The following EPB41L4A variants were observed in gnomAD, a reference collection of about 807,000 sequenced individuals.
EPB41L4A encodes band 4.1-like protein 4A.
A neutral mutation model predicts 108.6 loss-of-function variants in EPB41L4A; 100 were observed. That is an observed-to-expected ratio of 0.92 (90% CI 0.78 to 1.09). EPB41L4A has a LOEUF of 1.09. Ranked by LOEUF, EPB41L4A falls within the 50% of genes least tolerant of loss-of-function variation. The probability of loss-of-function intolerance (pLI) is 0.00; values close to 1 mark genes in which losing one functional copy is unlikely to be tolerated. For synonymous variants in EPB41L4A, 319 were observed against 289.0 expected, an observed-to-expected ratio of 1.10 and a Z score of -1.05; for missense variants, 1,030 against 842.7, an observed-to-expected ratio of 1.22 and a Z score of -2.75.
intron 1 of EPB41L4A, among the ~76,000 whole-genome samples, chr5:112,397,056 A>G (rs1761403915): frequency 6.6e-6 from 1 of 152,198 alleles, no homozygotes; most frequent in African/African-American, 2.4e-5. Context: ...CATTATACCC[A>G]ATAGGTAATT....
At chr5:112,208,836 C>G (rs1762593381) in intron 13 of EPB41L4A, among the ~76,000 whole-genome samples, 1 of 152,108 alleles carries the variant, frequency 6.6e-6, no homozygotes, top group Non-Finnish European at 1.5e-5. Context: ...CTGAACATAC[C>G]ACAAGCATAC....
chr5:112,331,195 G>A (rs951637037), intron 1 of EPB41L4A, among the ~76,000 whole-genome samples: 2 of 152,204 alleles, frequency 1.3e-5, no homozygotes, highest in Admixed American at 6.5e-5. Context: ...GGCATGGAGG[G>A]ACAACTCCAT....
intron 1 of EPB41L4A, among the ~76,000 whole-genome samples, chr5:112,388,547 T>C (rs867961403): frequency 9.2e-5 from 14 of 152,180 alleles, no homozygotes; most frequent in Non-Finnish European, 1.3e-4. Flanking sequence ...AACCACTGAA[T>C]TGAAGAGACC....
intron 1 of EPB41L4A, among the ~76,000 whole-genome samples, chr5:112,371,051 T>C (rs1759463649): frequency 6.6e-6 from 1 of 152,226 alleles, no homozygotes. Flanking sequence ...TTTTAGGTGG[T>C]GGAGAGACTG....
In EPB41L4A at chr5:112,329,675, C is replaced by T. The variant is rs372959460; in HGVS notation, c.100-22185G>A. On this transcript the variant is annotated intron_variant, in intron 1 of 22. Coordinates refer to ENST00000261486, the MANE Select transcript of EPB41L4A (RefSeq NM_022140.5). ...TCTGATTTTATCTGTTCAGTGGCTC[C>T]ACAATACAACTCTAATCCCAGGGAC... 2.6e-5 allele frequency among the ~76,000 whole-genome samples: 4 copies of T among 152,310 alleles called. No individual in the cohort carries two copies. In the East Asian group the frequency reaches 5.8e-4, roughly 22 times the overall value.
At chr5:112,400,800 T>A (rs1761697120) in intron 1 of EPB41L4A, among the ~76,000 whole-genome samples, 1 of 152,206 alleles carries the variant, frequency 6.6e-6, no homozygotes, top group Non-Finnish European at 1.5e-5. Context: ...ACAGCCTGAC[T>A]AGTGTCAAGA....
At chr5:112,266,664 T>C (rs987644228) in intron 4 of EPB41L4A, among the ~76,000 whole-genome samples, 1 of 152,172 alleles carries the variant, frequency 6.6e-6, no homozygotes, top group African/African-American at 2.4e-5. Context: ...GTTGACAGCA[T>C]CCACCTCACA....
intron 1 of EPB41L4A, among the ~76,000 whole-genome samples, chr5:112,383,743 G>GT (rs1424706964): frequency 3.9e-5 from 6 of 151,930 alleles, no homozygotes; most frequent in African/African-American, 1.5e-4. Flanking sequence ...TAAAATGGGG[G>GT]TGGGGGAAAA....
rs781658480 is a variant in EPB41L4A, at chr5:112,345,778, T to TACAC, written c.100-38289_100-38288insGTGT. ...GCATATATATATATACATATATATA[T>TACAC]ATACACACACACACACACACACACA... On this transcript the variant is annotated intron_variant, in intron 1 of 22. Transcript: ENST00000261486. Among the ~76,000 whole-genome samples the TACAC allele has an allele frequency of 6.1e-5, 8 of 130,696 alleles. 1 individual carries two copies. The highest frequency in any genetic ancestry group is 2.5e-4 in the South Asian group (1 of 3,984). 85.7% of individuals were successfully genotyped at this position (130,696 alleles called of 152,430 possible). A position where few individuals can be genotyped will look rare whatever the true frequency, so the allele number is the denominator to read the frequency against.
chr5:112,285,111 G>A (rs945525834), intron 2 of EPB41L4A, among the ~76,000 whole-genome samples: 1 of 152,156 alleles, frequency 6.6e-6, no homozygotes, highest in Non-Finnish European at 1.5e-5. Context: ...AGGACACCAT[G>A]AAATAATGAG....
chr5:112,331,901 T>C (rs1756594181), intron 1 of EPB41L4A, among the ~76,000 whole-genome samples: 1 of 152,232 alleles, frequency 6.6e-6, no homozygotes, highest in African/African-American at 2.4e-5. Context: ...TTTTCAATGC[T>C]AATCCCTGAC....
chr5:112,403,244 G>A (rs1388850517), intron 1 of EPB41L4A, among the ~76,000 whole-genome samples: 1 of 151,476 alleles, frequency 6.6e-6, no homozygotes, highest in African/African-American at 2.4e-5. Flanking sequence ...TGCATGTAAT[G>A]GATGAAAGGC....
chr5:112,194,567 C>A lies in EPB41L4A; in HGVS notation c.1502+1G>T. The A allele has an allele frequency of 6.4e-7, 1 of 1,550,694 alleles. No homozygotes were observed. Among genetic ancestry groups the A allele is most frequent in the Non-Finnish European group, 8.9e-7 (1 of 1,129,194 alleles). On this transcript the variant is annotated splice_donor_variant, in intron 17 of 22. Transcript: ENST00000261486. LOFTEE classifies it high-confidence loss of function. ...AGTTAATTATAATATTGAGATATTA[C>A]CTGTTTCTCTTTTTCCGGTATTCTC...
chr5:112,316,496 G>A (rs1319973730), intron 1 of EPB41L4A, among the ~76,000 whole-genome samples: 2 of 152,094 alleles, frequency 1.3e-5, no homozygotes, highest in African/African-American at 4.8e-5. Flanking sequence ...CCCAGGGGAG[G>A]CACTGTTCAC....
chr5:112,417,330 T>C (rs1300206243), intron 1 of EPB41L4A, among the ~76,000 whole-genome samples: 1 of 152,366 alleles, frequency 6.6e-6, no homozygotes, highest in East Asian at 1.9e-4. Context: ...GATGATTAAA[T>C]AGGAAGCTCA....
chr5:112,294,954 G>A (rs574591691), intron 2 of EPB41L4A, among the ~76,000 whole-genome samples: 1 of 152,354 alleles, frequency 6.6e-6, no homozygotes, highest in South Asian at 2.1e-4. Context: ...AATTGCAGTG[G>A]GGAAAACACT....
chr5:112,156,869 G>C (rs2112822656), intron 12 of EPB41L4A, among the ~76,000 whole-genome samples: 1 of 152,162 alleles, frequency 6.6e-6, no homozygotes, highest in Non-Finnish European at 1.5e-5. Flanking sequence ...CTACCAAAAA[G>C]GAGAAGGAGT....
At chr5:112,408,194 T>C (rs1427001952) in intron 1 of EPB41L4A, among the ~76,000 whole-genome samples, 4 of 152,178 alleles carry the variant, frequency 2.6e-5, no homozygotes, top group Admixed American at 1.3e-4. Context: ...TGTTGCGACA[T>C]GTGCAAATGA....
intron 1 of EPB41L4A, among the ~76,000 whole-genome samples, chr5:112,316,120 A>C (rs1255813933): frequency 6.6e-6 from 1 of 152,216 alleles, no homozygotes; most frequent in Non-Finnish European, 1.5e-5. Flanking sequence ...GTTTATTTGA[A>C]AATACCATCA....
Sources: gnomAD v4.1 joint callset for allele counts (sites outside exome capture counted in the v4.1 genomes callset) on GRCh38, gnomAD v4.1.1 for gene constraint, MANE v1.5 for transcripts, NCBI Gene and HGNC (gene_info 2026-07-23, HGNC 2026-07-21) for gene names.